The following RABL3 variants were observed in gnomAD, a reference collection of about 807,000 sequenced individuals.
RABL3 encodes the protein RAB, member of RAS oncogene family like 3.
A neutral mutation model predicts 31.8 loss-of-function variants in RABL3; 31 were observed. That is an observed-to-expected ratio of 0.97 (90% CI 0.73 to 1.31). The LOEUF is 1.31. Ranked by LOEUF, RABL3 falls within the 40% of genes most tolerant of loss-of-function variation. The probability of loss-of-function intolerance (pLI) is 0.00; values close to 1 mark genes in which losing one functional copy is unlikely to be tolerated. For missense variants in RABL3, 263 were observed against 279.6 expected (o/e 0.94, Z 0.42); for synonymous variants, 97 against 99.9 (o/e 0.97, Z 0.18).
At chr3:120,706,415 T>C (rs1414741492) in intron 3 of RABL3, among the ~76,000 whole-genome samples, 2 of 152,126 alleles carry the variant, frequency 1.3e-5, no homozygotes, top group Non-Finnish European at 2.9e-5. Flanking sequence ...CCATGCCTGT[T>C]CCTACCTGTA....
At chr3:120,705,618 A>G (rs1049011293) in intron 4 of RABL3, among the ~76,000 whole-genome samples, 77 of 152,236 alleles carry the variant, frequency 5.1e-4, no homozygotes, top group African/African-American at 1.9e-3. Flanking sequence ...AAAACCTCCC[A>G]TCTCGTACAA....
Position 120,689,634 on chromosome 3 carries a change from G to A in RABL3, c.*189C>T. On this transcript the variant is annotated 3_prime_UTR_variant, in exon 8 of 8. Transcript: ENST00000273375. The stretch of plus-strand genomic sequence containing the variant: ...CAGGGACAGAAAGGTAAGGAACACA[G>A]AGAACAGGGACAAAGTTTGGACCTC... 3.8e-6 allele frequency: 2 copies of A among 522,734 alleles called. No homozygotes were observed. Among genetic ancestry groups the A allele is most frequent in the Middle Eastern group, 5.6e-4 (2 of 3,602 alleles). 32.4% of individuals were successfully genotyped at this position (522,734 alleles called of 1,614,324 possible).
intron 1 of RABL3, among the ~76,000 whole-genome samples, chr3:120,740,982 C>G (rs1709036112): frequency 6.6e-6 from 1 of 152,152 alleles, no homozygotes. Flanking sequence ...AACCCCAGAA[C>G]CTAATACAGT....
Position 120,719,387 on chromosome 3 carries a change from G to C in RABL3, c.139-9478C>G, listed in dbSNP as rs778346701. Among the ~76,000 whole-genome samples the C allele has an allele frequency of 3.3e-5, 5 of 152,144 alleles. 1 individual carries two copies. The highest frequency in any genetic ancestry group is 2.6e-4 in the Admixed American group (4 of 15,280). On this transcript the variant is annotated intron_variant, in intron 2 of 7. Transcript: ENST00000273375. ...GGGCACAGCGCACCGAGTGTGAGTC[G>C]AAGCAAGGCGAGGCATCGCCTCACC...
intron 5 of RABL3, among the ~76,000 whole-genome samples, chr3:120,695,549 T>C (rs1352550615): frequency 1.3e-5 from 2 of 152,182 alleles, no homozygotes; most frequent in Non-Finnish European, 1.5e-5. Flanking sequence ...TCCTCCTCTC[T>C]TCAATCTAAG....
rs1340434807 is a variant in RABL3, at chr3:120,686,291, A to C, written c.*3532T>G. 6.6e-6 allele frequency among the ~76,000 whole-genome samples: 1 copy of C among 152,100 alleles called. No homozygotes were observed. Among genetic ancestry groups the C allele is most frequent in the African/African-American group, 2.4e-5 (1 of 41,414 alleles). ...AGACCTTTAAACTTCTTAAAATATG[A>C]TGTCACCTGTGCTTTAAAAAATTCA... On this transcript the variant is annotated 3_prime_UTR_variant, in exon 8 of 8. Transcript: ENST00000273375.
intron 2 of RABL3, among the ~76,000 whole-genome samples, chr3:120,729,180 G>A (rs1248886809): frequency 2.6e-5 from 4 of 152,164 alleles, no homozygotes; most frequent in Non-Finnish European, 5.9e-5. Context: ...CAGACAGAAG[G>A]TAGACAGAAG....
chr3:120,714,697 T>C (rs1708648244), intron 2 of RABL3, among the ~76,000 whole-genome samples: 1 of 152,202 alleles, frequency 6.6e-6, no homozygotes, highest in Admixed American at 6.5e-5. Context: ...CTTTACAACA[T>C]ATCCAGTATT....
In RABL3 at chr3:120,738,073, A is replaced by G. The variant is rs369540537; in HGVS notation, c.46+4389T>C. 1.5e-3 allele frequency among the ~76,000 whole-genome samples: 235 copies of G among 152,340 alleles called. 1 individual carries two copies. Among genetic ancestry groups the G allele is most frequent in the African/African-American group, 5.4e-3 (226 of 41,582 alleles). On this transcript the variant is annotated intron_variant, in intron 1 of 7. Coordinates refer to ENST00000273375, the MANE Select transcript of RABL3 (RefSeq NM_173825.5). ...GTCCGACAGGGACATTTAAGTCTGC[A>G]GAGGTTTCAGGCTATGCCCTGCCCT... is the stretch of plus-strand genomic sequence containing the variant.
intron 2 of RABL3, among the ~76,000 whole-genome samples, chr3:120,724,939 A>T (rs1445405689): frequency 6.6e-6 from 1 of 152,160 alleles, no homozygotes. Context: ...CAAAAGCCAA[A>T]ATTGACAAAT....
intron 3 of RABL3, among the ~76,000 whole-genome samples, chr3:120,708,918 C>T (rs1261261352): frequency 1.3e-5 from 2 of 151,780 alleles, no homozygotes; most frequent in Non-Finnish European, 2.9e-5. Context: ...GTCTACAACA[C>T]CTCATGATCT....
At chr3:120,725,791 C>G (rs1005920180) in intron 2 of RABL3, among the ~76,000 whole-genome samples, 2 of 151,958 alleles carry the variant, frequency 1.3e-5, no homozygotes, top group African/African-American at 2.4e-5. Context: ...ACACTGGGGC[C>G]TATTGTGGGG....
Position 120,736,116 on chromosome 3 carries a change from G to A in RABL3, c.47-5329C>T, listed in dbSNP as rs145297821. On this transcript the variant is annotated intron_variant, in intron 1 of 7. Coordinates refer to ENST00000273375, the MANE Select transcript of RABL3 (RefSeq NM_173825.5). The stretch of plus-strand genomic sequence containing the variant: ...GATATGCTTGTTAACTTTCTGTCTT[G>A]TTGATCTGTCTAATGTTGACAGTGG... Among the ~76,000 whole-genome samples the A allele has an allele frequency of 5.0e-3, 760 of 152,248 alleles. 6 individuals are homozygous for A. The highest frequency in any genetic ancestry group is 0.018 in the African/African-American group (732 of 41,560).
chr3:120,702,830 T>A (rs1026739894), intron 4 of RABL3, among the ~76,000 whole-genome samples: 2 of 152,166 alleles, frequency 1.3e-5, no homozygotes, highest in Non-Finnish European at 2.9e-5. Context: ...GTGCTGAGAT[T>A]ACAGGCGTGA....
chr3:120,724,825 T>C (rs1391243225), intron 2 of RABL3, among the ~76,000 whole-genome samples: 7 of 151,894 alleles, frequency 4.6e-5, no homozygotes, highest in Non-Finnish European at 8.8e-5. Context: ...ACTTAAATGT[T>C]AGACCTAAAA....
At chr3:120,734,338 G>GCTGT (rs1708927260) in intron 1 of RABL3, among the ~76,000 whole-genome samples, 2 of 151,080 alleles carry the variant, frequency 1.3e-5, no homozygotes, top group Admixed American at 6.6e-5. Context: ...TCATGATTTG[G>GCTGT]CTGTTTGTCT....
chr3:120,711,079 A>AT (rs1322262596), intron 2 of RABL3, among the ~76,000 whole-genome samples: 2 of 152,080 alleles, frequency 1.3e-5, no homozygotes, highest in African/African-American at 4.8e-5. Flanking sequence ...GGCTTCTGGG[A>AT]TATCACACTC....
intron 2 of RABL3, among the ~76,000 whole-genome samples, chr3:120,723,186 T>C (rs1708770203): frequency 6.6e-6 from 1 of 152,098 alleles, no homozygotes; most frequent in Non-Finnish European, 1.5e-5. Flanking sequence ...GCAAATAAAC[T>C]AGAAAATCTA....
chr3:120,690,693 A>G (rs1470057041), intron 6 of RABL3, among the ~76,000 whole-genome samples: 1 of 152,178 alleles, frequency 6.6e-6, no homozygotes, highest in East Asian at 1.9e-4. Context: ...CCTCATTCCA[A>G]AACGCATTAA....
Sources: allele counts gnomAD v4.1 joint callset (sites outside exome capture counted in the v4.1 genomes callset), GRCh38; gene constraint gnomAD v4.1.1; transcripts MANE v1.5; gene names NCBI Gene and HGNC (gene_info 2026-07-23, HGNC 2026-07-21).